YAE1: variants seen among roughly 807,000 people sequenced by gnomAD.
YAE1 encodes the protein protein YAE1 homolog.
YAE1 carries 22 observed loss-of-function variants against 23.0 expected under a neutral mutation model. The observed-to-expected ratio is 0.96, with a 90% CI of 0.68 to 1.37. The LOEUF (loss-of-function observed/expected upper bound fraction) is 1.37, where lower values mean the gene tolerates loss of function less well. YAE1 is among the 40% of genes most tolerant of loss of function. YAE1 has a pLI of 0.00. For missense variants in YAE1, 260 were observed against 262.1 expected, an observed-to-expected ratio of 0.99 and a Z score of 0.06; for synonymous variants, 101 against 97.0, an observed-to-expected ratio of 1.04 and a Z score of -0.24.
chr7:39,605,990 T>C (rs193153166), intron 2 of YAE1, among the ~76,000 whole-genome samples: 83 of 152,192 alleles, frequency 5.5e-4, no homozygotes, highest in East Asian at 3.9e-4. Flanking sequence ...TACTAGAAAA[T>C]TGAAACAGGT....
chr7:39,607,961 G>A (rs908166878), intron 2 of YAE1, among the ~76,000 whole-genome samples: 16 of 152,324 alleles, frequency 1.1e-4, no homozygotes, highest in Admixed American at 5.9e-4. Flanking sequence ...GAGCCAGGGC[G>A]CCTGGCCGTA....
At chr7:39,583,250 T>C (rs1790771960) in intron 2 of YAE1, among the ~76,000 whole-genome samples, 1 of 152,218 alleles carries the variant, frequency 6.6e-6, no homozygotes, top group African/African-American at 2.4e-5. Context: ...TGTGGACATA[T>C]TATACAAAAA....
intron 2 of YAE1, among the ~76,000 whole-genome samples, chr7:39,606,956 A>C (rs896044770): frequency 1.3e-5 from 2 of 152,220 alleles, no homozygotes; most frequent in African/African-American, 4.8e-5. Context: ...CCTTTCTAAA[A>C]TGTTGGTCTT....
intron 2 of YAE1, among the ~76,000 whole-genome samples, chr7:39,580,596 T>A (rs532085341): frequency 6.6e-6 from 1 of 152,348 alleles, no homozygotes; most frequent in South Asian, 2.1e-4. Flanking sequence ...TCAAGGCCAC[T>A]AGGTGGTGCT....
At chr7:39,606,398 T>C (rs1158707769) in intron 2 of YAE1, among the ~76,000 whole-genome samples, 2 of 152,246 alleles carry the variant, frequency 1.3e-5, no homozygotes, top group Non-Finnish European at 2.9e-5. Context: ...GTTAAATTTT[T>C]AGTTTAACAT....
At chr7:39,571,511 G>GA (rs1790565802) in intron 2 of YAE1, among the ~76,000 whole-genome samples, 1 of 151,950 alleles carries the variant, frequency 6.6e-6, no homozygotes, top group Admixed American at 6.6e-5. Context: ...TTGTATTTGG[G>GA]ATTTTAGAAA....
intron 2 of YAE1, among the ~76,000 whole-genome samples, chr7:39,585,847 T>C (rs1790807047): frequency 1.3e-5 from 2 of 152,218 alleles, no homozygotes; most frequent in Admixed American, 1.3e-4. Flanking sequence ...CTCATGCCTG[T>C]AATCCCAACA....
Position 39,572,568 on chromosome 7 carries a change from A to G in YAE1, c.543A>G (p.Ser181=). The change falls in exon 3 of 3, where the codon TCA becomes TCG. Residue 181 remains serine, a synonymous_variant. Coordinates refer to ENST00000223273, the MANE Select transcript of YAE1 (RefSeq NM_020192.5). ...CSKSHSGIDC[S]YVECCRTQEH... ...AGAGCCATAGTGGGATAGATTGTTC[A>G]TATGTAGAATGTTGTAGAACACAGG... is the stretch of plus-strand genomic sequence containing the variant. 1 of 1,614,176 alleles carries G rather than the reference A, an allele frequency of 6.2e-7. No individual in the cohort carries two copies. The highest frequency in any genetic ancestry group is 2.2e-5 in the East Asian group (1 of 44,878).
intron 1 of YAE1, among the ~76,000 whole-genome samples, chr7:39,568,259 A>G (rs964071030): frequency 1.5e-4 from 22 of 149,000 alleles, no homozygotes; most frequent in African/African-American, 5.2e-4. Flanking sequence ...ATAATAATAA[A>G]TATATATATA....
chr7:39,584,252 A>C (rs1790782203), intron 2 of YAE1, among the ~76,000 whole-genome samples: 1 of 152,184 alleles, frequency 6.6e-6, no homozygotes, highest in Non-Finnish European at 1.5e-5. Flanking sequence ...GTGATCAATA[A>C]GAAAGTTTTT....
chr7:39,595,291 T>C (rs1028099313), intron 2 of YAE1, among the ~76,000 whole-genome samples: 16 of 152,186 alleles, frequency 1.1e-4, no homozygotes, highest in African/African-American at 3.6e-4. Flanking sequence ...TCAATTATTC[T>C]GTTTTTATTG....
chr7:39,578,947 T>C (rs1358292705), intron 2 of YAE1, among the ~76,000 whole-genome samples: 1 of 152,184 alleles, frequency 6.6e-6, no homozygotes, highest in Non-Finnish European at 1.5e-5. Flanking sequence ...TTTAGTATAG[T>C]TTCCGCTACT....
chr7:39,592,203 T>C (rs182470856), intron 2 of YAE1, among the ~76,000 whole-genome samples: 3 of 152,346 alleles, frequency 2.0e-5, no homozygotes, highest in Non-Finnish European at 4.4e-5. Context: ...TATCAAAAAG[T>C]ACAATTGCTG....
At chr7:39,567,620 GT>G (rs974118195) in intron 1 of YAE1, among the ~76,000 whole-genome samples, 1 of 151,768 alleles carries the variant, frequency 6.6e-6, no homozygotes, top group African/African-American at 2.4e-5. Flanking sequence ...TTGTTTTTTG[GT>G]TTTTTTAATC....
intron 1 of YAE1, 22 bp downstream of exon 1, chr7:39,566,569 C>T (rs1307077805): frequency 6.2e-7 from 1 of 1,612,558 alleles, no homozygotes; most frequent in East Asian, 2.2e-5. Flanking sequence ...GTGGACGGCG[C>T]GGGGTGCTGG....
At chr7:39,580,145 C>A (rs1322458892) in intron 2 of YAE1, among the ~76,000 whole-genome samples, 1 of 152,228 alleles carries the variant, frequency 6.6e-6, no homozygotes, top group East Asian at 1.9e-4. Context: ...TCCCTGCCTA[C>A]TCGAGGGGAG....
downstream of YAE1, among the ~76,000 whole-genome samples, chr7:39,577,370 C>T (rs1384029816): frequency 6.6e-6 from 1 of 152,256 alleles, no homozygotes; most frequent in East Asian, 1.9e-4. Flanking sequence ...CAGCCCGCTG[C>T]TGCGCTGTGG....
chr7:39,573,779 C>T (rs191990544), downstream of YAE1, among the ~76,000 whole-genome samples: 4 of 152,198 alleles, frequency 2.6e-5, no homozygotes, highest in Admixed American at 2.6e-4. Context: ...CACAGAAGAA[C>T]ATTAAGAAAT....
chr7:39,570,837 G>T (rs550129895), intron 2 of YAE1: 2 of 520,156 alleles, frequency 3.8e-6, no homozygotes, highest in South Asian at 3.5e-5. Context: ...TTGTCTTTTC[G>T]TGCAAAGAAA....
Sources: gnomAD v4.1 joint callset for allele counts (sites outside exome capture counted in the v4.1 genomes callset) on GRCh38, gnomAD v4.1.1 for gene constraint, MANE v1.5 for transcripts, NCBI Gene and HGNC (gene_info 2026-07-23, HGNC 2026-07-21) for gene names.